Variants in FKBP1C observed in about 807,000 individuals in gnomAD.
FKBP1C encodes peptidyl-prolyl cis-trans isomerase FKBP1C.
A neutral mutation model predicts 7.1 loss-of-function variants in FKBP1C; 7 were observed. The observed-to-expected ratio is 0.99, with a 90% confidence interval of 0.56 to 1.86. The LOEUF (loss-of-function observed/expected upper bound fraction) is 1.86. FKBP1C is among the 40% of genes most tolerant of loss of function. The pLI, the probability that FKBP1C is intolerant of heterozygous loss-of-function variation, is 0.00. For synonymous variants in FKBP1C, 56 were observed against 51.2 expected (o/e 1.09, Z -0.40); for missense variants, 159 against 139.9 (o/e 1.14, Z -0.69).
chr6:63,211,892 G>T (rs1306829611), exon 1 of FKBP1C: 2 of 1,612,288 alleles, frequency 1.2e-6, no homozygotes, highest in Admixed American at 3.3e-5. Context: ...GACAGGAATG[G>T]CCTCCTCCCT....
chr6:63,211,893 C>T (rs537093630), exon 1 of FKBP1C: 3 of 1,612,196 alleles, frequency 1.9e-6, no homozygotes, highest in African/African-American at 2.7e-5. Flanking sequence ...ACAGGAATGG[C>T]CTCCTCCCTT....
chr6:63,212,756 C>T (rs1240194476), exon 1 of FKBP1C: 2 of 166,932 alleles, frequency 1.2e-5, no homozygotes, highest in East Asian at 1.9e-4. Context: ...CCAGTGAAAG[C>T]CCAGCCATCA....
At chr6:63,211,943 C>G in exon 1 of FKBP1C, 1 of 1,579,060 alleles carries the variant, frequency 6.3e-7, no homozygotes, top group Non-Finnish European at 8.7e-7. Flanking sequence ...GGATCTGGTG[C>G]CTCCAGACGT....
At chr6:63,211,842 G>A (rs1167777784) in exon 1 of FKBP1C, 3 of 1,612,958 alleles carry the variant, frequency 1.9e-6, no homozygotes, top group Non-Finnish European at 2.5e-6. Context: ...CCCACCACAT[G>A]CCACTCTCGT....
exon 1 of FKBP1C, chr6:63,211,813 C>G: frequency 6.2e-7 from 1 of 1,612,640 alleles, no homozygotes. Flanking sequence ...TATGGTGCCA[C>G]TGGGCACCCA....
chr6:63,213,011 T>C (rs10943601), exon 1 of FKBP1C: 77,348 of 131,152 alleles, frequency 0.59, 18,426 homozygotes, highest in Middle Eastern at 0.66. Flanking sequence ...TGCTTTATGC[T>C]GGCTTTTCTC....
At chr6:63,211,622 C>T (rs1766105715) in exon 1 of FKBP1C, 1 of 1,606,390 alleles carries the variant, frequency 6.2e-7, no homozygotes, top group Non-Finnish European at 8.5e-7. Context: ...GCAGCCAGAC[C>T]TGCGTGATGC....
chr6:63,211,516 C>T (rs769041623), exon 1 of FKBP1C: 4 of 803,570 alleles, frequency 5.0e-6, no homozygotes, highest in Admixed American at 2.1e-5. Flanking sequence ...CGGTCCACGC[C>T]GCCCGTCGCG....
At chr6:63,211,728 C>T in the FKBP1C span, 9 of 1,613,952 alleles carry the variant, frequency 5.6e-6, no homozygotes, top group Non-Finnish European at 6.8e-6. Flanking sequence ...GGAGGTGATC[C>T]GAGGCTGGGA....
exon 1 of FKBP1C, chr6:63,212,798 T>G (rs970578668): frequency 6.0e-6 from 1 of 166,840 alleles, no homozygotes; most frequent in Non-Finnish European, 1.5e-5. Context: ...CTTAAGAAAA[T>G]GATGCTGGTC....
exon 1 of FKBP1C, chr6:63,211,740 G>A (rs2127363982): frequency 6.2e-7 from 1 of 1,614,054 alleles, no homozygotes; most frequent in Non-Finnish European, 8.5e-7. Flanking sequence ...AGGCTGGGAA[G>A]AAGGGGTTGT....
exon 1 of FKBP1C, chr6:63,211,928 T>C (rs1319394608): frequency 1.2e-6 from 2 of 1,603,060 alleles, no homozygotes; most frequent in African/African-American, 1.3e-5. Context: ...GGATCTGCCA[T>C]GGAGGGATCT....
chr6:63,211,483 T>G, exon 1 of FKBP1C: 1 of 642,248 alleles, frequency 1.6e-6, no homozygotes, highest in Non-Finnish European at 2.8e-6. Context: ...GGCAGAGCCG[T>G]GGAACCGCCG....
chr6:63,211,781 G>C, exon 1 of FKBP1C: 1 of 1,613,916 alleles, frequency 6.2e-7, no homozygotes, highest in South Asian at 1.1e-5. Flanking sequence ...GAGCCAAACT[G>C]ACTATATCTC....
At chr6:63,211,570 T>C in exon 1 of FKBP1C, 7 of 1,445,646 alleles carry the variant, frequency 4.8e-6, no homozygotes, top group Non-Finnish European at 5.8e-6. Flanking sequence ...GGAGTGCACG[T>C]GGAAACCATC....
In FKBP1C at chr6:63,212,666, T is replaced by C. The variant is rs1581987103; in HGVS notation, c.*783T>C. 1.8e-5 allele frequency: 3 copies of C among 166,544 alleles called. No homozygotes were observed. The East Asian group carries it at 5.8e-4, about 32-fold the overall frequency. The allele number at this position is 166,544 out of a possible 1,614,324, so 10.3% of individuals were successfully genotyped here. A position where few individuals can be genotyped will look rare whatever the true frequency, so the allele number is the denominator to read the frequency against. ...TCAGGAATTTTGTAATCTCATAACTTTCCAAGCTCCACCACTTCCTAAATC... is the reference window on the plus strand; with the variant it reads ...TCAGGAATTTTGTAATCTCATAACTCTCCAAGCTCCACCACTTCCTAAATC... On this transcript the variant is annotated 3_prime_UTR_variant, in exon 1 of 1. Coordinates refer to ENST00000370659, the Ensembl canonical transcript of FKBP1C.
chr6:63,212,440 T>C (rs1479332176), exon 1 of FKBP1C: 1 of 171,490 alleles, frequency 5.8e-6, no homozygotes, highest in African/African-American at 2.4e-5. Context: ...AAAACTGAGG[T>C]GGGGATGGGG....
chr6:63,212,209 T>C lies in FKBP1C; in HGVS notation c.*326T>C. 4.1e-6 allele frequency: 2 copies of C among 491,514 alleles called. 1 individual carries two copies. The highest frequency in any genetic ancestry group is 5.4e-5 in the South Asian group (2 of 36,766). The allele number at this position is 491,514 out of a possible 1,614,324, so 30.4% of individuals were successfully genotyped here. A position where few individuals can be genotyped will look rare whatever the true frequency, so the allele number is the denominator to read the frequency against. On this transcript the variant is annotated 3_prime_UTR_variant, in exon 1 of 1. Coordinates refer to ENST00000370659, the Ensembl canonical transcript of FKBP1C. ...GTTTCCAATTAAGTACATGGTCAAG[T>C]GTTAACAGCACAAGTGATAAGTTAA...
the FKBP1C span, chr6:63,211,770 A>T: frequency 6.2e-7 from 1 of 1,613,954 alleles, no homozygotes; most frequent in South Asian, 1.1e-5. Context: ...TGTGGGTCAG[A>T]GAGCCAAACT....
Sources: allele counts gnomAD v4.1 joint callset, GRCh38; gene constraint gnomAD v4.1.1; transcripts MANE v1.5; gene names NCBI Gene and HGNC (gene_info 2026-07-23, HGNC 2026-07-21).